Variants in EZR observed in about 807,000 individuals in gnomAD.
EZR encodes the protein cytovillin 2.
EZR carries 40 observed loss-of-function variants against 74.8 expected under a neutral mutation model. That is an observed-to-expected ratio of 0.53 (90% CI 0.42 to 0.70). EZR has a LOEUF of 0.70. Among genes scored for constraint, EZR ranks in the 30% least tolerant of loss-of-function variants. The probability of loss-of-function intolerance (pLI) is 0.00; values close to 1 mark genes in which losing one functional copy is unlikely to be tolerated. For missense variants in EZR, 678 were observed against 755.8 expected (o/e 0.90, Z 1.21); for synonymous variants, 341 against 283.3 (o/e 1.20, Z -2.05).
intron 2 of EZR, among the ~76,000 whole-genome samples, chr6:158,797,548 A>G (rs2128573140): frequency 6.6e-6 from 1 of 152,300 alleles, no homozygotes; most frequent in African/African-American, 2.4e-5. Flanking sequence ...CTGTTTTCCA[A>G]CATTCCAGCC....
At chr6:158,769,533 C>T (rs1481770882) in intron 11 of EZR, 115 bp from the exon 12 acceptor site, 22 of 1,112,300 alleles carry the variant, frequency 2.0e-5, no homozygotes, top group South Asian at 6.9e-5. Context: ...CCTGAGTCCC[C>T]GCCACCCCCA....
rs1227869010 is a variant in EZR, at chr6:158,766,660, G to A, written c.*254C>T. 9.3e-6 allele frequency: 5 copies of A among 535,668 alleles called. No homozygotes were observed. The highest frequency in any genetic ancestry group is 2.3e-5 in the South Asian group (1 of 42,730). The allele number at this position is 535,668 out of a possible 1,614,324, so 33.2% of individuals were successfully genotyped here. A position where few individuals can be genotyped will look rare whatever the true frequency, so the allele number is the denominator to read the frequency against. The stretch of plus-strand genomic sequence containing the variant: ...CATTTTCCGTAATTCAATCAGTCCT[G>A]CTCCCAGCACAACACAGGAGGTGAT... On this transcript the variant is annotated 3_prime_UTR_variant, in exon 14 of 14. Coordinates refer to ENST00000367075, the MANE Select transcript of EZR (RefSeq NM_001111077.2).
chr6:158,777,950 A>G (rs73799905), intron 7 of EZR, among the ~76,000 whole-genome samples: 3,678 of 152,276 alleles, frequency 0.024, 132 homozygotes, highest in African/African-American at 0.084. Context: ...CAGACATGCA[A>G]TGAGTTTGTT....
intron 10 of EZR, among the ~76,000 whole-genome samples, 159 bp from the exon 11 acceptor site, chr6:158,770,103 C>T (rs1197965134): frequency 6.6e-6 from 1 of 152,248 alleles, no homozygotes; most frequent in Admixed American, 6.5e-5. Context: ...TCACAGAGCT[C>T]ATTGCTGCTG....
chr6:158,809,941 C>G (rs924716302), intron 2 of EZR, among the ~76,000 whole-genome samples: 2 of 152,174 alleles, frequency 1.3e-5, no homozygotes, highest in Admixed American at 6.5e-5. Context: ...TTTACCTACC[C>G]CATCCTAAAG....
At position 158,769,383 on chromosome 6, in the gene EZR, G is replaced by T. The variant is rs1357511125; in HGVS notation, c.1287C>A (p.Ala429=). The T allele has an allele frequency of 6.2e-7, 1 of 1,608,632 alleles. No individual in the cohort carries two copies. Among genetic ancestry groups the T allele is most frequent in the South Asian group, 1.1e-5 (1 of 91,086 alleles). The change falls in exon 12 of 14, where the codon GCC becomes GCA. Residue 429 remains alanine (A), a synonymous_variant. Coordinates refer to ENST00000367075, the MANE Select transcript of EZR (RefSeq NM_001111077.2). ...AELAEYTAKI[A]LLEEARRRKE... is the part of the protein sequence containing the mutation. ...TGCGCCTCCGCGCCTCTTCCAGGAGGGCAATCTTGGCAGTGTATTCTGCAA... is the reference window on the plus strand; with the variant it reads ...TGCGCCTCCGCGCCTCTTCCAGGAGTGCAATCTTGGCAGTGTATTCTGCAA...
At chr6:158,789,220 A>T in intron 3 of EZR, 68 bp downstream of exon 3, 1 of 1,209,266 alleles carries the variant, frequency 8.3e-7, no homozygotes, top group South Asian at 1.3e-5. Flanking sequence ...TCGCAAACAA[A>T]ATAACTGAAA....
In EZR at chr6:158,789,726, C is replaced by T. The variant is rs75823625; in HGVS notation, c.13-355G>A. Among the ~76,000 whole-genome samples, 11 of 149,038 alleles carry T rather than the reference C, an allele frequency of 7.4e-5. No individual in the cohort carries two copies. The East Asian group carries it at 2.1e-3, about 29-fold the overall frequency. On this transcript the variant is annotated intron_variant, in intron 2 of 13. Coordinates refer to ENST00000367075, the MANE Select transcript of EZR (RefSeq NM_001111077.2). Reference sequence around the variant, plus strand: ...ATGATCTCCCAGGCTCACACGAACGCCTCCCACCTCAGCCTCTTGAGTAGC... The same window carrying T: ...ATGATCTCCCAGGCTCACACGAACGTCTCCCACCTCAGCCTCTTGAGTAGC...
intron 7 of EZR, among the ~76,000 whole-genome samples, chr6:158,779,371 C>T (rs1032270284): frequency 6.6e-6 from 1 of 152,172 alleles, no homozygotes; most frequent in African/African-American, 2.4e-5. Context: ...CAGAGAGGGT[C>T]CCGGGGCAGA....
chr6:158,812,520 C>A (rs904838284), intron 2 of EZR, among the ~76,000 whole-genome samples: 1 of 152,130 alleles, frequency 6.6e-6, no homozygotes, highest in African/African-American at 2.4e-5. Context: ...ACTAAATTAA[C>A]CCTTCCTCTT....
intron 4 of EZR, among the ~76,000 whole-genome samples, chr6:158,786,796 G>C (rs1325227557): frequency 6.6e-6 from 1 of 152,168 alleles, no homozygotes; most frequent in Non-Finnish European, 1.5e-5. Flanking sequence ...AGCAATAACA[G>C]GTTCTTACAA....
intron 2 of EZR, among the ~76,000 whole-genome samples, chr6:158,809,261 G>A (rs1398707643): frequency 6.6e-6 from 1 of 152,160 alleles, no homozygotes; most frequent in African/African-American, 2.4e-5. Flanking sequence ...AGGGTGTTCT[G>A]AATCAGGAAT....
At position 158,791,706 on chromosome 6, in the gene EZR, A is replaced by ATTTT. The variant is rs57581855; in HGVS notation, c.13-2339_13-2336dup. Among the ~76,000 whole-genome samples, 771 of 96,192 alleles carry ATTTT rather than the reference A, an allele frequency of 8.0e-3. 47 individuals are homozygous for ATTTT. Among genetic ancestry groups the ATTTT allele is most frequent in the African/African-American group, 0.03 (732 of 24,370 alleles). The allele number at this position is 96,192 out of a possible 152,430, so 63.1% of individuals were successfully genotyped here. Reference sequence around the variant, plus strand: ...CCATGCACACGAGATTTCAGACTCCATTTTTTTTTTTTTTTTTTTTGAGAC... The same window carrying ATTTT: ...CCATGCACACGAGATTTCAGACTCCATTTTTTTTTTTTTTTTTTTTTTTTGAGAC... On this transcript the variant is annotated intron_variant, in intron 2 of 13. Transcript: ENST00000367075.
intron 6 of EZR, among the ~76,000 whole-genome samples, chr6:158,784,002 C>G (rs879299140): frequency 1.9e-4 from 29 of 152,234 alleles, no homozygotes; most frequent in Non-Finnish European, 4.1e-4. Flanking sequence ...CACATGTCTT[C>G]CCACAACCCT....
chr6:158,818,977 G>C (rs1279205490), intron 1 of EZR, among the ~76,000 whole-genome samples: 1 of 152,146 alleles, frequency 6.6e-6, no homozygotes, highest in Non-Finnish European at 1.5e-5. Context: ...ACTTTGTGTA[G>C]CAACCGTTGC....
At chr6:158,798,622 C>CTGT (rs1554274399) in intron 2 of EZR, among the ~76,000 whole-genome samples, 2 of 122,204 alleles carry the variant, frequency 1.6e-5, no homozygotes, top group Non-Finnish European at 1.7e-5. Context: ...TGCTGCTCCG[C>CTGT]TTTTTTTTTT....
intron 8 of EZR, among the ~76,000 whole-genome samples, chr6:158,772,928 G>A (rs930961207): frequency 6.6e-6 from 1 of 152,174 alleles, no homozygotes; most frequent in African/African-American, 2.4e-5. Flanking sequence ...GAAATCCTAG[G>A]GTGAGAGGTG....
At chr6:158,790,403 T>G (rs3123118) in intron 2 of EZR, among the ~76,000 whole-genome samples, 17,201 of 152,264 alleles carry the variant, frequency 0.11, 993 homozygotes, top group Middle Eastern at 0.15. Flanking sequence ...TCGGGCGCAT[T>G]GGCTCACACA....
intron 2 of EZR, among the ~76,000 whole-genome samples, chr6:158,809,222 C>T (rs1008765003): frequency 1.2e-4 from 12 of 103,080 alleles, no homozygotes; most frequent in Non-Finnish European, 1.9e-4. Context: ...AAGTGGGGCA[C>T]GGCACAGAGA....
Sources: gnomAD v4.1 joint callset for allele counts (sites outside exome capture counted in the v4.1 genomes callset) on GRCh38, gnomAD v4.1.1 for gene constraint, MANE v1.5 for transcripts, NCBI Gene and HGNC (gene_info 2026-07-23, HGNC 2026-07-21) for gene names.